The following UHRF2 variants were observed in gnomAD, a reference collection of about 807,000 sequenced individuals.
The protein encoded by UHRF2 is ubiquitin like with PHD and ring finger domains 2, also known as E3 ubiquitin-protein ligase UHRF2.
In UHRF2, 23 loss-of-function variants were observed where a neutral mutation model predicts 96.8. The ratio of observed to expected loss-of-function variants is 0.24; its 90% CI spans 0.17 to 0.34. UHRF2 has a LOEUF of 0.34. Among genes scored for constraint, UHRF2 ranks in the 10% least tolerant of loss-of-function variants. The pLI is 1.00. For synonymous variants in UHRF2, 385 were observed against 332.6 expected (o/e 1.16, Z -1.72); for missense variants, 685 against 981.5 (o/e 0.70, Z 4.04).
intron 4 of UHRF2, among the ~76,000 whole-genome samples, chr9:6,474,716 C>G (rs1823459550): frequency 6.6e-6 from 1 of 152,014 alleles, no homozygotes; most frequent in African/African-American, 2.4e-5. Flanking sequence ...ATAAATAATA[C>G]AAACAAACAA....
intron 3 of UHRF2, among the ~76,000 whole-genome samples, chr9:6,445,127 A>T (rs145689540): frequency 1.6e-3 from 5 of 3,190 alleles, no homozygotes; most frequent in African/African-American, 6.3e-3. Context: ...CCTATCTCTT[A>T]TTTAAAAAAA....
chr9:6,504,764 T>TG, intron 15 of UHRF2, 73 bp downstream of exon 15: 4 of 1,222,336 alleles, frequency 3.3e-6, no homozygotes, highest in Non-Finnish European at 4.6e-6. Flanking sequence ...GTTTTTAGCA[T>TG]GCTAAGAAGC....
At chr9:6,481,891 A>C in intron 7 of UHRF2, 101 bp from the exon 8 acceptor site, 1 of 1,534,066 alleles carries the variant, frequency 6.5e-7, no homozygotes, top group South Asian at 1.2e-5. Context: ...ATGGTACTTA[A>C]ATTACATAAA....
chr9:6,413,859 CGG>C (rs1563734070), intron 1 of UHRF2: 1 of 507,982 alleles, frequency 2.0e-6, no homozygotes, highest in African/African-American at 2.0e-5. Flanking sequence ...GTGCGCCGCG[CGG>C]GGTCAGAAGT....
chr9:6,465,566 C>T (rs1015867005), intron 4 of UHRF2, among the ~76,000 whole-genome samples: 1 of 152,088 alleles, frequency 6.6e-6, no homozygotes, highest in Non-Finnish European at 1.5e-5. Flanking sequence ...ATTTTAAAAT[C>T]TGTTGTCATA....
At chr9:6,468,731 T>A (rs1181814747) in intron 4 of UHRF2, 2 of 455,436 alleles carry the variant, frequency 4.4e-6, no homozygotes, top group Non-Finnish European at 8.8e-6. Flanking sequence ...TTCAGCAGTC[T>A]TAGAAGGCAT....
chr9:6,431,104 C>A (rs943040002), intron 2 of UHRF2, among the ~76,000 whole-genome samples: 1 of 152,192 alleles, frequency 6.6e-6, no homozygotes, highest in Non-Finnish European at 1.5e-5. Flanking sequence ...TTCCTCTGAA[C>A]TGCCTTTAAA....
chr9:6,452,074 G>T (rs559663748), intron 3 of UHRF2, among the ~76,000 whole-genome samples: 73 of 151,692 alleles, frequency 4.8e-4, no homozygotes, highest in African/African-American at 1.8e-3. Context: ...TACACATACC[G>T]TTTGCACCTT....
At chr9:6,470,095 G>A (rs1823151851) in intron 4 of UHRF2, among the ~76,000 whole-genome samples, 1 of 152,290 alleles carries the variant, frequency 6.6e-6, no homozygotes, top group Admixed American at 6.5e-5. Flanking sequence ...TCCCAGCTGG[G>A]CGTGGTGGCT....
At chr9:6,451,771 T>TG (rs1821883208) in intron 3 of UHRF2, among the ~76,000 whole-genome samples, 2 of 125,230 alleles carry the variant, frequency 1.6e-5, no homozygotes, top group East Asian at 2.3e-4. Flanking sequence ...GCGCCCGGCC[T>TG]GTTTGTTGTT....
intron 6 of UHRF2, among the ~76,000 whole-genome samples, chr9:6,478,413 A>G (rs1283417401): frequency 6.6e-6 from 1 of 152,144 alleles, no homozygotes; most frequent in Non-Finnish European, 1.5e-5. Flanking sequence ...CTATAATAGT[A>G]CTTAATATTT....
chr9:6,495,072 C>T (rs968249166), intron 10 of UHRF2: 2 of 152,094 alleles, frequency 1.3e-5, no homozygotes, highest in Non-Finnish European at 2.9e-5. Flanking sequence ...GAAAATGTAT[C>T]TCAAATTTGC....
chr9:6,500,657 G>T lies in UHRF2; in HGVS notation c.2111G>T (p.Cys704Phe). 6.2e-7 allele frequency: 1 copy of T among 1,613,794 alleles called. No individual in the cohort carries two copies. The highest frequency in any genetic ancestry group is 8.5e-7 in the Non-Finnish European group (1 of 1,179,842). Reference sequence around the variant, plus strand: ...CAGCAACATCTCATCAGAGAAGATTGTCAAAACCAGAAGCTGTGGGATGAA... The same window carrying T: ...CAGCAACATCTCATCAGAGAAGATTTTCAAAACCAGAAGCTGTGGGATGAA... The part of the protein sequence containing the change: ...PQQQHLIRED[C>F]QNQKLWDEVL... Residue 704 changes from cysteine (C) to phenylalanine (F), a missense_variant, in exon 14 of 16, where the codon TGT becomes TTT. Cys to Phe is a radical substitution (Grantham distance 205, BLOSUM62 -2). This residue lies in a region of UHRF2 where 99 missense variants were observed against 73.5 expected (regional missense o/e 1.35). Transcript: ENST00000276893.
At chr9:6,449,273 A>C (rs1418815368) in intron 3 of UHRF2, 1 of 152,242 alleles carries the variant, frequency 6.6e-6, no homozygotes, top group Non-Finnish European at 1.5e-5. Context: ...TCAGCCAGTG[A>C]CCAAGTGTGA....
In UHRF2 at chr9:6,506,327, G is replaced by A; in HGVS notation, c.*148G>A. 2.9e-6 allele frequency: 3 copies of A among 1,040,662 alleles called. No homozygotes were observed. The highest frequency in any genetic ancestry group is 2.7e-6 in the Non-Finnish European group (2 of 738,740). 64.5% of individuals were successfully genotyped at this position (1,040,662 alleles called of 1,614,324 possible). A position where few individuals can be genotyped will look rare whatever the true frequency, so the allele number is the denominator to read the frequency against. On this transcript the variant is annotated 3_prime_UTR_variant, in exon 16 of 16. Transcript: ENST00000276893. Reference sequence around the variant, plus strand: ...TTCCCACATAGCCATCATCTTGTGTGTGTAGTAAGAGGCCCATTTCTCAAC... The same window carrying A: ...TTCCCACATAGCCATCATCTTGTGTATGTAGTAAGAGGCCCATTTCTCAAC...
At chr9:6,465,911 T>G (rs1161649114) in intron 4 of UHRF2, among the ~76,000 whole-genome samples, 2 of 152,236 alleles carry the variant, frequency 1.3e-5, no homozygotes, top group African/African-American at 4.8e-5. Flanking sequence ...TATTTTCATG[T>G]TGTCATTTTC....
intron 4 of UHRF2, among the ~76,000 whole-genome samples, chr9:6,471,616 C>A (rs1003371507): frequency 1.3e-5 from 2 of 152,104 alleles, no homozygotes; most frequent in African/African-American, 4.8e-5. Flanking sequence ...TGAGTAGAGC[C>A]TTTAAATGAG....
chr9:6,489,219 G>A (rs1053099127), intron 9 of UHRF2, among the ~76,000 whole-genome samples: 1 of 152,158 alleles, frequency 6.6e-6, no homozygotes, highest in Non-Finnish European at 1.5e-5. Flanking sequence ...ATGATTCTCT[G>A]GAGATTGTGG....
intron 4 of UHRF2, among the ~76,000 whole-genome samples, chr9:6,467,043 C>T (rs979444073): frequency 2.6e-5 from 4 of 152,146 alleles, no homozygotes; most frequent in Non-Finnish European, 4.4e-5. Context: ...AACAAATTAC[C>T]ACAAACATAG....
Sources: gnomAD v4.1 joint callset for allele counts (sites outside exome capture counted in the v4.1 genomes callset) on GRCh38, gnomAD v4.1.1 for gene constraint, gnomAD v4.1.1 regional missense constraint, MANE v1.5 for transcripts, NCBI Gene and HGNC (gene_info 2026-07-23, HGNC 2026-07-21) for gene names.